The following NAALADL2 variants were observed in gnomAD, a reference collection of about 807,000 sequenced individuals.
The protein encoded by NAALADL2 is inactive N-acetylated-alpha-linked acidic dipeptidase-like protein 2.
In NAALADL2, 76 loss-of-function variants were observed where a neutral mutation model predicts 87.2. The observed-to-expected ratio is 0.87, with a 90% confidence interval of 0.72 to 1.05. NAALADL2 has a LOEUF of 1.05. NAALADL2 is among the 50% of genes least tolerant of loss of function. The pLI is 0.00. For missense variants in NAALADL2, 1,089 were observed against 945.8 expected, an observed-to-expected ratio of 1.15 and a Z score of -1.99; for synonymous variants, 354 against 331.0, an observed-to-expected ratio of 1.07 and a Z score of -0.75.
At chr3:175,304,853 A>C (rs1022949660) in intron 4 of NAALADL2, among the ~76,000 whole-genome samples, 7 of 151,912 alleles carry the variant, frequency 4.6e-5, no homozygotes, top group Non-Finnish European at 7.4e-5. Flanking sequence ...TTTATTTTCT[A>C]CTTTATTTTC....
intron 9 of NAALADL2, among the ~76,000 whole-genome samples, chr3:175,548,400 C>T (rs1412453431): frequency 1.3e-5 from 2 of 151,842 alleles, no homozygotes; most frequent in African/African-American, 4.8e-5. Flanking sequence ...GGACCTATTA[C>T]AGGGTGGAGG....
chr3:174,852,044 C>T (rs1015589014), intron 3 of NAALADL2, among the ~76,000 whole-genome samples: 8 of 152,134 alleles, frequency 5.3e-5, no homozygotes, highest in African/African-American at 1.7e-4. Context: ...ATGAGAAAAA[C>T]TCTCAAAAAA....
At chr3:174,605,534 G>A (rs143216443) in intron 2 of NAALADL2, among the ~76,000 whole-genome samples, 2 of 152,280 alleles carry the variant, frequency 1.3e-5, no homozygotes, top group South Asian at 4.1e-4. Context: ...CTGGCTCGGA[G>A]GGTCCTACGC....
At chr3:175,298,724 G>A (rs1756671264) in intron 4 of NAALADL2, among the ~76,000 whole-genome samples, 1 of 151,930 alleles carries the variant, frequency 6.6e-6, no homozygotes, top group Non-Finnish European at 1.5e-5. Flanking sequence ...TTTCTATATT[G>A]GGTTCATTTA....
At chr3:175,060,666 G>C (rs1410658003) in intron 1 of NAALADL2, among the ~76,000 whole-genome samples, 1 of 152,118 alleles carries the variant, frequency 6.6e-6, no homozygotes, top group East Asian at 1.9e-4. Context: ...TACTATATTA[G>C]CTATTTCACT....
chr3:174,751,393 T>C lies in NAALADL2; in HGVS notation c.-9+13647T>C, dbSNP rs376909707. Among the ~76,000 whole-genome samples, 18 of 152,304 alleles carry C rather than the reference T, an allele frequency of 1.2e-4. No homozygotes were observed. In the East Asian group the frequency reaches 2.7e-3, roughly 23 times the overall value. Reference sequence around the variant, plus strand: ...CATAAAAGTTTATGGCCAGACGCAGTTGCTCACGTCTGTAATCCCAGCACT... The same window carrying C: ...CATAAAAGTTTATGGCCAGACGCAGCTGCTCACGTCTGTAATCCCAGCACT... On this transcript the variant is annotated intron_variant, in intron 3 of 3. Transcript: ENST00000434257.
At chr3:175,598,921 G>C (rs376843574) in intron 10 of NAALADL2, among the ~76,000 whole-genome samples, 8 of 152,270 alleles carry the variant, frequency 5.3e-5, no homozygotes, top group African/African-American at 1.9e-4. Flanking sequence ...CACTGACATT[G>C]TTAAGGTTAA....
chr3:175,193,711 C>T (rs576530265), intron 2 of NAALADL2, among the ~76,000 whole-genome samples: 55 of 151,956 alleles, frequency 3.6e-4, no homozygotes, highest in African/African-American at 1.3e-3. Flanking sequence ...CTATTCACTG[C>T]TTTGTTTAGA....
At chr3:175,338,084 G>T (rs1284999284) in intron 5 of NAALADL2, among the ~76,000 whole-genome samples, 4 of 152,164 alleles carry the variant, frequency 2.6e-5, no homozygotes, top group Non-Finnish European at 5.9e-5. Context: ...ACCAAGCTAT[G>T]TCAGGAGTGT....
chr3:175,444,216 A>C (rs1560561394), intron 5 of NAALADL2, among the ~76,000 whole-genome samples: 1 of 152,190 alleles, frequency 6.6e-6, no homozygotes, highest in Non-Finnish European at 1.5e-5. Flanking sequence ...GCAATCATGA[A>C]AACTTCGAAA....
intron 13 of NAALADL2, among the ~76,000 whole-genome samples, chr3:175,757,386 G>A (rs557535274): frequency 6.6e-6 from 1 of 152,140 alleles, no homozygotes; most frequent in African/African-American, 2.4e-5. Context: ...TGAGGTTTAA[G>A]GTGCCCATTA....
intron 2 of NAALADL2, among the ~76,000 whole-genome samples, chr3:175,193,534 G>A (rs1738521613): frequency 1.3e-5 from 2 of 151,744 alleles, no homozygotes; most frequent in African/African-American, 4.8e-5. Flanking sequence ...TGAAATAGAG[G>A]TGAGATAAGA....
intron 3 of NAALADL2, among the ~76,000 whole-genome samples, chr3:174,808,989 C>G (rs1352242094): frequency 1.3e-5 from 2 of 152,054 alleles, no homozygotes; most frequent in Admixed American, 1.3e-4. Flanking sequence ...TATAGAACCA[C>G]AGAATTCTGT....
upstream of NAALADL2, among the ~76,000 whole-genome samples, chr3:174,856,282 A>G (rs2109507118): frequency 6.6e-6 from 1 of 152,282 alleles, no homozygotes; most frequent in Non-Finnish European, 1.5e-5. Flanking sequence ...CTGGGATTAC[A>G]GTCGTGAGCT....
At chr3:175,260,129 A>G (rs540686653) in intron 4 of NAALADL2, among the ~76,000 whole-genome samples, 22 of 152,312 alleles carry the variant, frequency 1.4e-4, no homozygotes, top group African/African-American at 5.3e-4. Flanking sequence ...GCTACAGATA[A>G]TATTTACATT....
At chr3:174,465,937 CAA>C (rs1347653879) in intron 1 of NAALADL2, among the ~76,000 whole-genome samples, 1 of 151,994 alleles carries the variant, frequency 6.6e-6, no homozygotes, top group African/African-American at 2.4e-5. Flanking sequence ...ATTGCCATAC[CAA>C]AGAGACCCAA....
chr3:175,272,164 C>T (rs774518963), intron 4 of NAALADL2, among the ~76,000 whole-genome samples: 5 of 152,014 alleles, frequency 3.3e-5, no homozygotes, highest in African/African-American at 7.3e-5. Context: ...TTTTAGACAT[C>T]GATGGACTAA....
At chr3:174,528,971 C>T (rs1359895420) in intron 1 of NAALADL2, among the ~76,000 whole-genome samples, 3 of 152,050 alleles carry the variant, frequency 2.0e-5, no homozygotes, top group Non-Finnish European at 2.9e-5. Flanking sequence ...ACAAATCTCA[C>T]GTCCCCACAT....
chr3:174,802,562 C>G (rs1718968472), intron 3 of NAALADL2, among the ~76,000 whole-genome samples: 1 of 152,088 alleles, frequency 6.6e-6, no homozygotes, highest in African/African-American at 2.4e-5. Context: ...ATACATGTGC[C>G]ATGTTGGTTT....
Sources: gnomAD v4.1 joint callset for allele counts (sites outside exome capture counted in the v4.1 genomes callset) on GRCh38, gnomAD v4.1.1 for gene constraint, MANE v1.5 for transcripts, NCBI Gene and HGNC (gene_info 2026-07-23, HGNC 2026-07-21) for gene names.